The following PELI3 variants were observed in gnomAD, a reference collection of about 807,000 sequenced individuals.
The protein encoded by PELI3 is pellino E3 ubiquitin protein ligase family member 3, also known as E3 ubiquitin-protein ligase pellino homolog 3.
In PELI3, 19 loss-of-function variants were observed where a neutral mutation model predicts 35.5. That is an observed-to-expected ratio of 0.54 (90% CI 0.37 to 0.79). PELI3 has a LOEUF of 0.79. Among genes scored for constraint, PELI3 ranks in the 30% least tolerant of loss-of-function variants. The pLI is 0.00. For missense variants in PELI3, 490 were observed against 661.2 expected (o/e 0.74, Z 2.84); for synonymous variants, 262 against 279.2 (o/e 0.94, Z 0.62).
Position 66,471,236 on chromosome 11 carries a change from C to G in PELI3, c.225-6C>G, listed in dbSNP as rs1211596512. On this transcript the variant is annotated splice_region_variant and splice_polypyrimidine_tract_variant and intron_variant, in intron 3 of 7. Transcript: ENST00000320740. ...ACCCCTTCTTCTTAACCCCCGACAT[C>G]TACAGCTACAATGGTTGTCTGGCAA... The G allele has an allele frequency of 6.2e-7, 1 of 1,610,038 alleles. No individual in the cohort carries two copies. Among genetic ancestry groups the G allele is most frequent in the South Asian group, 1.1e-5 (1 of 90,816 alleles).
At chr11:66,468,928 G>C (rs1274201497) in intron 3 of PELI3, 24 bp downstream of exon 3, 1 of 737,498 alleles carries the variant, frequency 1.4e-6, no homozygotes, top group African/African-American at 1.7e-5. Context: ...CTGGGATTTG[G>C]ACCCAGGTCT....
At chr11:66,468,371 G>T (rs951725780) in intron 2 of PELI3, 91 bp downstream of exon 2, 1 of 1,280,654 alleles carries the variant, frequency 7.8e-7, no homozygotes, top group African/African-American at 1.5e-5. Context: ...CCCCACATAG[G>T]GCCTTCAGCT....
Position 66,473,604 on chromosome 11 carries a change from C to A in PELI3, c.652-133C>A. ...GCAAAGTGAGGCCCAGAGAGACGCT[C>A]AAGTCATGCAGCTTCAATGCCAGTC... On this transcript the variant is annotated intron_variant, in intron 6 of 7. Coordinates refer to ENST00000320740, the MANE Select transcript of PELI3 (RefSeq NM_145065.3). The surrounding 1 kb of genome is among the most constrained non-coding windows in gnomAD (Gnocchi z 5.8). The A allele has an allele frequency of 7.4e-7, 1 of 1,352,478 alleles. No individual in the cohort carries two copies. The highest frequency in any genetic ancestry group is 1.3e-5 in the South Asian group (1 of 75,472). The allele number at this position is 1,352,478 out of a possible 1,614,324, so 83.8% of individuals were successfully genotyped here. A position where few individuals can be genotyped will look rare whatever the true frequency, so the allele number is the denominator to read the frequency against.
chr11:66,476,377 C>T lies in PELI3; in HGVS notation c.*210C>T, dbSNP rs1458675875. The stretch of plus-strand genomic sequence containing the variant: ...CCAGTCATGCTGATGGGGCCTTCAG[C>T]ACCAGCTCTGTCCTGGGTCGATGGA... On this transcript the variant is annotated 3_prime_UTR_variant, in exon 8 of 8. Transcript: ENST00000320740. 1.5e-5 allele frequency: 9 copies of T among 609,980 alleles called. No homozygotes were observed. The East Asian group carries it at 2.2e-4, about 15-fold the overall frequency. The allele number at this position is 609,980 out of a possible 1,614,324, so 37.8% of individuals were successfully genotyped here. A position where few individuals can be genotyped will look rare whatever the true frequency, so the allele number is the denominator to read the frequency against.
Position 66,476,452 on chromosome 11 carries a change from G to A in PELI3, c.*285G>A. 1 of 482,922 alleles carries A rather than the reference G, an allele frequency of 2.1e-6. No individual in the cohort carries two copies. The highest frequency in any genetic ancestry group is 3.7e-6 in the Non-Finnish European group (1 of 270,068). 29.9% of individuals were successfully genotyped at this position (482,922 alleles called of 1,614,324 possible). ...CCCTTCCTGGGGCATCCCACATCGTGCCGCCGACACTGTGTGCCCCTGGGG... is the reference window on the plus strand; with the variant it reads ...CCCTTCCTGGGGCATCCCACATCGTACCGCCGACACTGTGTGCCCCTGGGG... On this transcript the variant is annotated 3_prime_UTR_variant, in exon 8 of 8. Coordinates refer to ENST00000320740, the MANE Select transcript of PELI3 (RefSeq NM_145065.3).
intron 3 of PELI3, among the ~76,000 whole-genome samples, chr11:66,470,978 C>A (rs943124648): frequency 6.6e-6 from 1 of 152,188 alleles, no homozygotes; most frequent in Non-Finnish European, 1.5e-5. Context: ...CAGCACCCAT[C>A]CAGGCATGGC....
rs1040516016 is a variant in PELI3, at chr11:66,468,138, G to A, written c.10G>A (p.Glu4Lys). Reference protein sequence around the residue: MVLEGNPEVGSPRT... With the variant: MVLKGNPEVGSPRT... ...TCCCACTCTGCCCAGAATGGTGCTG[G>A]AAGGAAACCCTGAAGTGGGGTCCCC... Residue 4 changes from glutamate to lysine, a missense_variant, in exon 2 of 8, where the codon GAA (glutamate) becomes AAA (lysine). Coordinates refer to ENST00000320740, the MANE Select transcript of PELI3 (RefSeq NM_145065.3). 5.6e-6 allele frequency: 9 copies of A among 1,607,952 alleles called. No individual in the cohort carries two copies. Among genetic ancestry groups the A allele is most frequent in the African/African-American group, 4.0e-5 (3 of 74,478 alleles).
At position 66,476,923 on chromosome 11, in the gene PELI3, G is replaced by A. The variant is rs1378231973; in HGVS notation, c.*756G>A. 6.6e-6 allele frequency: 1 copy of A among 152,274 alleles called. No individual in the cohort carries two copies. Among genetic ancestry groups the A allele is most frequent in the African/African-American group, 2.4e-5 (1 of 41,436 alleles). The allele number at this position is 152,274 out of a possible 1,614,324, so 9.4% of individuals were successfully genotyped here. On this transcript the variant is annotated 3_prime_UTR_variant, in exon 8 of 8. Coordinates refer to ENST00000320740, the MANE Select transcript of PELI3 (RefSeq NM_145065.3). ...GTGAGGGAGGCTTCACGGAGGAGGTGTCATAGGAGCTCAGCCTCAACGGCT... is the reference window on the plus strand; with the variant it reads ...GTGAGGGAGGCTTCACGGAGGAGGTATCATAGGAGCTCAGCCTCAACGGCT...
chr11:66,468,329 C>A, intron 2 of PELI3, 49 bp downstream of exon 2: 1 of 1,407,334 alleles, frequency 7.1e-7, no homozygotes, highest in South Asian at 1.7e-5. Flanking sequence ...ACCCACCCAA[C>A]GCAGCCAGAA....
Position 66,476,145 on chromosome 11 carries a change from T to A in PELI3, c.1388T>A (p.Ile463Asn). 6.4e-7 allele frequency: 1 copy of A among 1,562,892 alleles called. No homozygotes were observed. Among genetic ancestry groups the A allele is most frequent in the Non-Finnish European group, 8.6e-7 (1 of 1,159,958 alleles). ...LTGEHGCVRLIFQGPLD is the reference protein window; with the variant it reads ...LTGEHGCVRLNFQGPLD ...GGCGAGCATGGCTGCGTCCGCCTCA[T>A]TTTCCAGGGCCCGCTGGATTAGGCT... Residue 463 changes from isoleucine (I) to asparagine (N), a missense_variant, in exon 8 of 8, where the codon ATT becomes AAT. Transcript: ENST00000320740.
In PELI3 at chr11:66,477,079, T is replaced by C. The variant is rs1296148749; in HGVS notation, c.*912T>C. On this transcript the variant is annotated 3_prime_UTR_variant, in exon 8 of 8. Coordinates refer to ENST00000320740, the MANE Select transcript of PELI3 (RefSeq NM_145065.3). ...CAGAAATCCAGGGACAGAGTCAGGA[T>C]GGCTGGAGCATGGACTGCGGGGGGA... 1 of 148,938 alleles carries C rather than the reference T, an allele frequency of 6.7e-6. No homozygotes were observed. Among genetic ancestry groups the C allele is most frequent in the Non-Finnish European group, 1.5e-5 (1 of 67,452 alleles). The allele number at this position is 148,938 out of a possible 1,614,324, so 9.2% of individuals were successfully genotyped here. A position where few individuals can be genotyped will look rare whatever the true frequency, so the allele number is the denominator to read the frequency against.
chr11:66,469,520 G>A (rs953614966), intron 3 of PELI3, among the ~76,000 whole-genome samples: 8 of 152,208 alleles, frequency 5.3e-5, no homozygotes, highest in Non-Finnish European at 8.8e-5. Context: ...AGCTCACAAG[G>A]GCAAAAGTGA....
In PELI3 at chr11:66,472,400, C is replaced by T. The variant is rs1297639617; in HGVS notation, c.386C>T (p.Ser129Leu). 2.5e-6 allele frequency: 4 copies of T among 1,614,102 alleles called. No homozygotes were observed. Among genetic ancestry groups the T allele is most frequent in the South Asian group, 1.1e-5 (1 of 91,082 alleles). The change falls in exon 5 of 8, where the codon TCG becomes TTG. Residue 129 changes from serine to leucine, a missense_variant. Ser to Leu is a moderately radical substitution (Grantham distance 145). Transcript: ENST00000320740. ...ALSNRGQHSI[S>L]YTLSRSHSVI... ...AGTAACCGTGGTCAGCACAGCATCT[C>T]GTATACACTGTCCCGGAGCCACTCG...
At position 66,473,288 on chromosome 11, in the gene PELI3, G is replaced by A. The variant is rs757466604; in HGVS notation, c.504G>A (p.Thr168=). ...TGATTGACTTCGTGGTAACAGACACGTCCCCTGGAGGAGGGGCTGCCGAGG... is the reference window on the plus strand; with the variant it reads ...TGATTGACTTCGTGGTAACAGACACATCCCCTGGAGGAGGGGCTGCCGAGG... The part of the protein sequence containing the change: ...ENMIDFVVTD[T]SPGGGAAEGP... The change falls in exon 6 of 8, where the codon ACG becomes ACA. Residue 168 remains threonine, a synonymous_variant. Coordinates refer to ENST00000320740, the MANE Select transcript of PELI3 (RefSeq NM_145065.3). This position sits in a 1 kb window ranked among gnomAD's most constrained non-coding sequence, Gnocchi z 5.8. 28 of 1,613,270 alleles carry A rather than the reference G, an allele frequency of 1.7e-5. No individual in the cohort carries two copies. The highest frequency in any genetic ancestry group is 1.6e-4 in the Middle Eastern group (1 of 6,084).
In PELI3 at chr11:66,473,184, G is replaced by A. The variant is rs1854778686; in HGVS notation, c.457-57G>A. 1 of 1,488,544 alleles carries A rather than the reference G, an allele frequency of 6.7e-7. No individual in the cohort carries two copies. The allele number at this position is 1,488,544 out of a possible 1,614,324, so 92.2% of individuals were successfully genotyped here. A position where few individuals can be genotyped will look rare whatever the true frequency, so the allele number is the denominator to read the frequency against. ...AGCTGCTGGTACTCTGGGAGGGAAG[G>A]CCCATGAGAGTCCCCTATGTACATA... On this transcript the variant is annotated intron_variant, in intron 5 of 7. Coordinates refer to ENST00000320740, the MANE Select transcript of PELI3 (RefSeq NM_145065.3). This position sits in a 1 kb window ranked among gnomAD's most constrained non-coding sequence, Gnocchi z 5.8.
Position 66,476,243 on chromosome 11 carries a change from G to A in PELI3, c.*76G>A. Reference sequence around the variant, plus strand: ...CCTCCTGCAGCCCAGAGGGAGCTCTGCATGTGGGACACTCCCTGCTGGCAC... The same window carrying A: ...CCTCCTGCAGCCCAGAGGGAGCTCTACATGTGGGACACTCCCTGCTGGCAC... On this transcript the variant is annotated 3_prime_UTR_variant, in exon 8 of 8. Coordinates refer to ENST00000320740, the MANE Select transcript of PELI3 (RefSeq NM_145065.3). 7.1e-7 allele frequency: 1 copy of A among 1,403,490 alleles called. No homozygotes were observed. Among genetic ancestry groups the A allele is most frequent in the Non-Finnish European group, 9.5e-7 (1 of 1,048,696 alleles). The allele number at this position is 1,403,490 out of a possible 1,614,324, so 86.9% of individuals were successfully genotyped here.
At chr11:66,466,682 G>C (rs1274375010), upstream of PELI3, 1 of 152,408 alleles carries the variant, frequency 6.6e-6, no homozygotes, top group Admixed American at 6.5e-5. Flanking sequence ...TCCCTCAGAC[G>C]GAGTGGAGAG....
At chr11:66,472,272 G>A in intron 4 of PELI3, 97 bp from the exon 5 acceptor site, 1 of 848,210 alleles carries the variant, frequency 1.2e-6, no homozygotes, top group Non-Finnish European at 2.0e-6. Flanking sequence ...CCCCTTCCCA[G>A]GGAGTGGCTG....
In PELI3 at chr11:66,476,354, A is replaced by G; in HGVS notation, c.*187A>G. The G allele has an allele frequency of 1.5e-6, 1 of 647,646 alleles. No homozygotes were observed. 40.1% of individuals were successfully genotyped at this position (647,646 alleles called of 1,614,324 possible). On this transcript the variant is annotated 3_prime_UTR_variant, in exon 8 of 8. Coordinates refer to ENST00000320740, the MANE Select transcript of PELI3 (RefSeq NM_145065.3). ...AGGAGGTCCCCAAGATCTCCACCCC[A>G]GTCATGCTGATGGGGCCTTCAGCAC...
Sources: allele counts gnomAD v4.1 joint callset (sites outside exome capture counted in the v4.1 genomes callset), GRCh38; gene constraint gnomAD v4.1.1; non-coding constraint Gnocchi (gnomAD v3.1); transcripts MANE v1.5; gene names NCBI Gene and HGNC (gene_info 2026-07-23, HGNC 2026-07-21).